The following MSRA variants were observed in gnomAD, a reference collection of about 807,000 sequenced individuals.
MSRA encodes mitochondrial peptide methionine sulfoxide reductase.
In MSRA, 54 loss-of-function variants were observed where a neutral mutation model predicts 31.3. That is an observed-to-expected ratio of 1.73 (90% CI 1.39 to 2.17). MSRA has a LOEUF of 2.17. MSRA is among the 30% of genes most tolerant of loss of function. The probability of loss-of-function intolerance (pLI) is 0.00; values close to 1 mark genes in which losing one functional copy is unlikely to be tolerated. For missense variants in MSRA, 507 were observed against 300.9 expected (o/e 1.69, Z -5.07); for synonymous variants, 169 against 116.5 (o/e 1.45, Z -2.90).
chr8:10,230,082 A>T lies in MSRA; in HGVS notation c.212-15022A>T, dbSNP rs527928267. Among the ~76,000 whole-genome samples, 103 of 152,346 alleles carry T rather than the reference A, an allele frequency of 6.8e-4. 1 individual carries two copies. The highest frequency in any genetic ancestry group is 2.3e-3 in the African/African-American group (97 of 41,588). On this transcript the variant is annotated intron_variant, in intron 2 of 5. Transcript: ENST00000317173. Reference sequence around the variant, plus strand: ...TTCAGCAGATTTTTTCCACCCGAGGAGCCTCATACGTGCAAGGTGCAATGC... The same window carrying T: ...TTCAGCAGATTTTTTCCACCCGAGGTGCCTCATACGTGCAAGGTGCAATGC...
chr8:10,145,356 G>T (rs1011045733), intron 1 of MSRA, among the ~76,000 whole-genome samples: 8 of 152,174 alleles, frequency 5.3e-5, no homozygotes, highest in Admixed American at 3.9e-4. Flanking sequence ...GTTAGATAAG[G>T]CTCTTTGTGA....
intron 3 of MSRA, among the ~76,000 whole-genome samples, chr8:10,297,609 C>T (rs979911105): frequency 1.3e-5 from 2 of 152,160 alleles, no homozygotes; most frequent in Non-Finnish European, 2.9e-5. Flanking sequence ...TCCTTTTGAT[C>T]ATTTGCACTG....
chr8:10,229,594 G>A (rs1297399412), intron 2 of MSRA, among the ~76,000 whole-genome samples: 1 of 152,164 alleles, frequency 6.6e-6, no homozygotes, highest in East Asian at 1.9e-4. Flanking sequence ...AGGTGGTGCA[G>A]GCAGGGAGCC....
intron 3 of MSRA, among the ~76,000 whole-genome samples, chr8:10,293,061 G>A (rs1361509417): frequency 2.6e-5 from 4 of 152,182 alleles, no homozygotes; most frequent in Non-Finnish European, 5.9e-5. Flanking sequence ...CGTGAGCTCT[G>A]AGCCTTGGCT....
chr8:10,328,359 C>T (rs931206108), intron 5 of MSRA, among the ~76,000 whole-genome samples: 1 of 151,288 alleles, frequency 6.6e-6, no homozygotes, highest in Non-Finnish European at 1.5e-5. Context: ...TCGCCTTTTC[C>T]CTCCAATGAA....
At chr8:10,235,007 G>T (rs934403362) in intron 2 of MSRA, among the ~76,000 whole-genome samples, 1 of 152,090 alleles carries the variant, frequency 6.6e-6, no homozygotes, top group Admixed American at 6.5e-5. Context: ...AGAATCAGAT[G>T]TCTCAATTTG....
intron 4 of MSRA, among the ~76,000 whole-genome samples, chr8:10,306,018 T>C (rs996679279): frequency 2.0e-5 from 3 of 152,252 alleles, no homozygotes; most frequent in African/African-American, 7.2e-5. Flanking sequence ...CTGGCCTTCT[T>C]TCTTACTCAT....
chr8:10,364,712 T>C (rs762669562), intron 5 of MSRA, among the ~76,000 whole-genome samples: 29 of 152,238 alleles, frequency 1.9e-4, no homozygotes, highest in Non-Finnish European at 3.4e-4. Flanking sequence ...CTGGGTGAAT[T>C]TGGGCACAGT....
intron 1 of MSRA, among the ~76,000 whole-genome samples, chr8:10,124,794 C>G (rs1801385059): frequency 7.2e-6 from 1 of 138,854 alleles, no homozygotes; most frequent in African/African-American, 2.8e-5. Flanking sequence ...GATATGAATT[C>G]AGTAAAAATA....
At chr8:10,245,616 T>A (rs1035189445) in intron 3 of MSRA, among the ~76,000 whole-genome samples, 1 of 152,190 alleles carries the variant, frequency 6.6e-6, no homozygotes, top group Non-Finnish European at 1.5e-5. Context: ...CTAGGCTGCT[T>A]TACTCTTTGG....
chr8:10,339,372 C>G (rs980742558), intron 5 of MSRA, among the ~76,000 whole-genome samples: 2 of 152,148 alleles, frequency 1.3e-5, no homozygotes, highest in Non-Finnish European at 2.9e-5. Flanking sequence ...GTTTCCAAAA[C>G]TTATGATTCA....
chr8:10,399,050 G>T (rs1260942242), intron 5 of MSRA, among the ~76,000 whole-genome samples: 2 of 152,200 alleles, frequency 1.3e-5, no homozygotes, highest in Non-Finnish European at 2.9e-5. Context: ...CTGCCTATTT[G>T]CACAGAGGAC....
intron 1 of MSRA, among the ~76,000 whole-genome samples, chr8:10,149,024 T>G (rs1803415028): frequency 6.6e-6 from 1 of 151,490 alleles, no homozygotes; most frequent in Non-Finnish European, 1.5e-5. Context: ...GGTTCAGTCT[T>G]GGCTCAGTGT....
rs142978919 is a variant in MSRA, at chr8:10,287,150, A to G, written c.332-14384A>G. On this transcript the variant is annotated intron_variant, in intron 3 of 5. Coordinates refer to ENST00000317173, the MANE Select transcript of MSRA (RefSeq NM_012331.5). Reference sequence around the variant, plus strand: ...TAGTCAAGGCTAAAAGATTCCCAATATCAATCAAATTACAGCCGAGTCTGC... The same window carrying G: ...TAGTCAAGGCTAAAAGATTCCCAATGTCAATCAAATTACAGCCGAGTCTGC... Among the ~76,000 whole-genome samples the G allele has an allele frequency of 2.6e-4, 40 of 152,306 alleles. 1 individual carries two copies. The highest frequency in any genetic ancestry group is 9.4e-4 in the African/African-American group (39 of 41,566).
intron 1 of MSRA, among the ~76,000 whole-genome samples, chr8:10,206,590 C>G (rs1009519060): frequency 6.6e-6 from 1 of 152,230 alleles, no homozygotes; most frequent in Admixed American, 6.5e-5. Flanking sequence ...AGCACCTCCA[C>G]TGCACCAAGA....
chr8:10,182,159 C>T (rs1437340687), intron 1 of MSRA, among the ~76,000 whole-genome samples: 4 of 152,098 alleles, frequency 2.6e-5, no homozygotes, highest in Admixed American at 2.6e-4. Flanking sequence ...CTTGGTTTAT[C>T]CTCTAAGCTG....
At chr8:10,297,812 A>C (rs1163490961) in intron 3 of MSRA, among the ~76,000 whole-genome samples, 2 of 152,176 alleles carry the variant, frequency 1.3e-5, no homozygotes, top group African/African-American at 4.8e-5. Context: ...TATGTCTGAA[A>C]GTGTTTGCTG....
At chr8:10,062,842 G>A (rs1188653306) in intron 1 of MSRA, among the ~76,000 whole-genome samples, 1 of 152,170 alleles carries the variant, frequency 6.6e-6, no homozygotes, top group Non-Finnish European at 1.5e-5. Context: ...GATCGTGTTA[G>A]CTGCGTGAGA....
At chr8:10,229,203 G>A (rs1056543447) in intron 2 of MSRA, among the ~76,000 whole-genome samples, 3 of 151,176 alleles carry the variant, frequency 2.0e-5, no homozygotes, top group Non-Finnish European at 4.4e-5. Context: ...GTCTTTGCAG[G>A]TTTTGGGTGA....
Sources: gnomAD v4.1 joint callset for allele counts (sites outside exome capture counted in the v4.1 genomes callset) on GRCh38, gnomAD v4.1.1 for gene constraint, MANE v1.5 for transcripts, NCBI Gene and HGNC (gene_info 2026-07-23, HGNC 2026-07-21) for gene names.